Variants in RBM17 observed in about 807,000 individuals in gnomAD.
RBM17 encodes the protein RNA binding motif protein 17.
RBM17 carries 7 observed loss-of-function variants against 53.2 expected under a neutral mutation model. The observed-to-expected ratio is 0.13, with a 90% confidence interval of 0.07 to 0.25. The LOEUF is 0.25. Among genes scored for constraint, RBM17 ranks in the 10% least tolerant of loss-of-function variants. RBM17 has a pLI of 1.00. For missense variants in RBM17, 257 were observed against 496.7 expected (o/e 0.52, Z 4.59); for synonymous variants, 167 against 178.1 (o/e 0.94, Z 0.50).
chr10:6,096,431 C>T (rs989167763), intron 1 of RBM17, among the ~76,000 whole-genome samples: 8 of 152,092 alleles, frequency 5.3e-5, no homozygotes, highest in African/African-American at 1.9e-4. Flanking sequence ...GTGTGTTGCT[C>T]GTTCACATGC....
Position 6,114,062 on chromosome 10 carries a change from C to A in RBM17, c.944C>A (p.Ala315Glu). Residue 315 changes from alanine (A) to glutamate (E), a missense_variant, in exon 10 of 12, where the codon GCG (alanine) becomes GAG (glutamate). This residue lies in a region of RBM17 where 49 missense variants were observed against 114.8 expected (regional missense o/e 0.43). Transcript: ENST00000379888. ...KVVLLRNMVG[A>E]GEVDEDLEVE... Reference sequence around the variant, plus strand: ...TTGTGTTTAAAGAACATGGTTGGTGCGGGAGAGGTGGATGAAGACTTGGAA... The same window carrying A: ...TTGTGTTTAAAGAACATGGTTGGTGAGGGAGAGGTGGATGAAGACTTGGAA... The A allele has an allele frequency of 6.2e-7, 1 of 1,610,810 alleles. No homozygotes were observed. The highest frequency in any genetic ancestry group is 8.5e-7 in the Non-Finnish European group (1 of 1,177,628).
chr10:6,106,017 C>T, intron 4 of RBM17, 124 bp from the exon 5 acceptor site: 1 of 648,356 alleles, frequency 1.5e-6, no homozygotes, highest in South Asian at 1.9e-5. Context: ...CCCCTCTACC[C>T]CTGCAACTTC....
chr10:6,097,944 A>G (rs41295135), intron 2 of RBM17, among the ~76,000 whole-genome samples: 19,795 of 152,224 alleles, frequency 0.13, 1,559 homozygotes, highest in African/African-American at 0.21. Context: ...GCTGCGTGCA[A>G]CTTATTGAGG....
Position 6,098,556 on chromosome 10 carries a change from G to GGTT in RBM17, c.123+1368_123+1369insGTT, listed in dbSNP as rs1840613398. On this transcript the variant is annotated intron_variant, in intron 2 of 11. Transcript: ENST00000379888. ...GTTTGAAAATTTCCGTAATACACAGGTTTTTTGTTTTTTTTTTTTTTTTTT... is the reference window on the plus strand; with the variant it reads ...GTTTGAAAATTTCCGTAATACACAGGGTTTTTTTTGTTTTTTTTTTTTTTTTTT... Among the ~76,000 whole-genome samples the GGTT allele has an allele frequency of 1.6e-3, 142 of 87,974 alleles. 5 individuals are homozygous for GGTT. In the South Asian group the frequency reaches 0.026, roughly 16 times the overall value. The allele number at this position is 87,974 out of a possible 152,430, so 57.7% of individuals were successfully genotyped here.
intron 6 of RBM17, among the ~76,000 whole-genome samples, chr10:6,109,256 A>G (rs1483692496): frequency 6.6e-6 from 1 of 152,092 alleles, no homozygotes; most frequent in Non-Finnish European, 1.5e-5. Flanking sequence ...TTGGGACTGG[A>G]CTTCTGAATA....
chr10:6,091,591 C>A (rs531662413), intron 1 of RBM17, among the ~76,000 whole-genome samples: 20 of 152,266 alleles, frequency 1.3e-4, no homozygotes, highest in African/African-American at 4.3e-4. Context: ...AGCAGATCTG[C>A]AGATCTCACT....
At chr10:6,114,295 A>G (rs528269445) in intron 10 of RBM17, 148 bp downstream of exon 10, 88 of 537,864 alleles carry the variant, frequency 1.6e-4, no homozygotes, top group African/African-American at 1.3e-3. Flanking sequence ...CTCTTGCTCA[A>G]TTATTACAGT....
At chr10:6,097,626 G>C (rs1324656666) in intron 2 of RBM17, among the ~76,000 whole-genome samples, 1 of 152,206 alleles carries the variant, frequency 6.6e-6, no homozygotes, top group African/African-American at 2.4e-5. Context: ...AGCCGAGATC[G>C]CGCCACTGCG....
In RBM17 at chr10:6,103,870, C is replaced by CT. The variant is rs1156523176; in HGVS notation, c.241-1059dup. Among the ~76,000 whole-genome samples the CT allele has an allele frequency of 2.0e-5, 3 of 152,138 alleles. No individual in the cohort carries two copies. In the East Asian group the frequency reaches 5.8e-4, roughly 29 times the overall value. On this transcript the variant is annotated intron_variant, in intron 3 of 11. Coordinates refer to ENST00000379888, the MANE Select transcript of RBM17 (RefSeq NM_032905.5). ...AGCAGGAAACACGTTTACAAACGAC[C>CT]TTCTTGCCTTTGATACAGTTGGACA...
At chr10:6,091,693 T>G (rs1452605069) in intron 1 of RBM17, among the ~76,000 whole-genome samples, 1 of 152,200 alleles carries the variant, frequency 6.6e-6, no homozygotes, top group East Asian at 1.9e-4. Context: ...CACTTAACAA[T>G]GTTCAAGCAT....
At position 6,106,020 on chromosome 10, in the gene RBM17, G is replaced by C. The variant is rs941284739; in HGVS notation, c.408-121G>C. 4.5e-5 allele frequency: 30 copies of C among 659,468 alleles called. 1 individual carries two copies. In the Admixed American group the frequency reaches 7.0e-4, roughly 15 times the overall value. 40.9% of individuals were successfully genotyped at this position (659,468 alleles called of 1,614,324 possible). On this transcript the variant is annotated intron_variant, in intron 4 of 11. Coordinates refer to ENST00000379888, the MANE Select transcript of RBM17 (RefSeq NM_032905.5). ...TATGCTTCCTACCCCCTCTACCCCT[G>C]CAACTTCATAGTTGATTGTGACAGG...
At chr10:6,114,771 A>T (rs562700816) in intron 10 of RBM17, 1 of 161,524 alleles carries the variant, frequency 6.2e-6, no homozygotes, top group Admixed American at 6.0e-5. Context: ...AGGACTACCA[A>T]AATGGAATGG....
At chr10:6,096,601 T>C (rs1479160958) in intron 1 of RBM17, among the ~76,000 whole-genome samples, 1 of 152,228 alleles carries the variant, frequency 6.6e-6, no homozygotes, top group African/African-American at 2.4e-5. Flanking sequence ...TTCTGTCATT[T>C]TTTTCCCTAG....
Position 6,112,774 on chromosome 10 carries a change from C to A in RBM17, c.856+413C>A. 3.9e-6 allele frequency: 1 copy of A among 259,656 alleles called. No individual in the cohort carries two copies. Among genetic ancestry groups the A allele is most frequent in the South Asian group, 4.6e-5 (1 of 21,958 alleles). 16.1% of individuals were successfully genotyped at this position (259,656 alleles called of 1,614,324 possible). ...AGGTCGTCTCTACTTTTCCCTTTTG[C>A]CCTTTCAGTATAGATGTGATTTCTG... is the stretch of plus-strand genomic sequence containing the variant. On this transcript the variant is annotated intron_variant, in intron 8 of 11. Transcript: ENST00000379888. This position sits in a 1 kb window ranked among gnomAD's most constrained non-coding sequence, Gnocchi z 4.4.
intron 10 of RBM17, 189 bp downstream of exon 10, chr10:6,114,336 T>C (rs1274000439): frequency 2.2e-6 from 1 of 453,820 alleles, no homozygotes; most frequent in Non-Finnish European, 4.0e-6. Flanking sequence ...TTTCAAGTTT[T>C]ATTTGATGAA....
intron 3 of RBM17, among the ~76,000 whole-genome samples, chr10:6,102,442 C>G (rs915410585): frequency 6.6e-6 from 1 of 152,096 alleles, no homozygotes; most frequent in African/African-American, 2.4e-5. Context: ...GGGTGCTGTT[C>G]CTGAGGGCTG....
chr10:6,092,323 TATTAA>T lies in RBM17; in HGVS notation c.-19+3131_-19+3135del, dbSNP rs546522244. 3.5e-4 allele frequency among the ~76,000 whole-genome samples: 53 copies of T among 152,350 alleles called. No homozygotes were observed. The East Asian group carries it at 9.6e-3, about 28-fold the overall frequency. ...GGGTAAGTTTGGGTCTTGGCAGTCTTATTAATGTACTTATTACATTTCAGTAGTTG... is the reference window on the plus strand; with the variant it reads ...GGGTAAGTTTGGGTCTTGGCAGTCTTTGTACTTATTACATTTCAGTAGTTG... On this transcript the variant is annotated intron_variant, in intron 1 of 11. Coordinates refer to ENST00000379888, the MANE Select transcript of RBM17 (RefSeq NM_032905.5).
chr10:6,089,447 CT>C lies in RBM17; in HGVS notation c.-19+256del. On this transcript the variant is annotated intron_variant, in intron 1 of 11. Coordinates refer to ENST00000379888, the MANE Select transcript of RBM17 (RefSeq NM_032905.5). The surrounding 1 kb of genome is among the most constrained non-coding windows in gnomAD (Gnocchi z 5.6). ...CTGGCCCTGACCTTCTCCCTCTTCC[CT>C]TCCTCCTCCTCCTCCTCATGTCTGC... 1 of 142,638 alleles carries C rather than the reference CT, an allele frequency of 7.0e-6. No homozygotes were observed. The highest frequency in any genetic ancestry group is 1.6e-5 in the Non-Finnish European group (1 of 61,954). 8.8% of individuals were successfully genotyped at this position (142,638 alleles called of 1,614,324 possible). A position where few individuals can be genotyped will look rare whatever the true frequency, so the allele number is the denominator to read the frequency against.
chr10:6,112,530 T>G lies in RBM17; in HGVS notation c.856+169T>G. 1 of 720,428 alleles carries G rather than the reference T, an allele frequency of 1.4e-6. No homozygotes were observed. 44.6% of individuals were successfully genotyped at this position (720,428 alleles called of 1,614,324 possible). ...AACACAGGCCGTCCTGTTCATATGA[T>G]GCACTGCCACTTCCGTTTTGTGAAA... On this transcript the variant is annotated intron_variant, in intron 8 of 11. Transcript: ENST00000379888. This position sits in a 1 kb window ranked among gnomAD's most constrained non-coding sequence, Gnocchi z 4.4.
Sources: gnomAD v4.1 joint callset for allele counts (sites outside exome capture counted in the v4.1 genomes callset) on GRCh38, gnomAD v4.1.1 for gene constraint, gnomAD v4.1.1 regional missense constraint, Gnocchi (gnomAD v3.1) non-coding constraint, MANE v1.5 for transcripts, NCBI Gene and HGNC (gene_info 2026-07-23, HGNC 2026-07-21) for gene names.